The following CEACAM3 variants were observed in gnomAD, a reference collection of about 807,000 sequenced individuals.
CEACAM3 encodes the protein CEA cell adhesion molecule 3, also known as cell adhesion molecule CEACAM3.
A neutral mutation model predicts 30.1 loss-of-function variants in CEACAM3; 32 were observed. The observed-to-expected ratio is 1.06, with a 90% CI of 0.80 to 1.43. The LOEUF is 1.43. CEACAM3 is among the 40% of genes most tolerant of loss of function. The pLI is 0.00. For synonymous variants in CEACAM3, 134 were observed against 127.2 expected, an observed-to-expected ratio of 1.05 and a Z score of -0.36; for missense variants, 290 against 316.3, an observed-to-expected ratio of 0.92 and a Z score of 0.63.
In CEACAM3 at chr19:41,808,895, G is replaced by A. The variant is rs3752172; in HGVS notation, c.507G>A (p.Ala169=). 0.2 allele frequency: 328,406 copies of A among 1,606,072 alleles called. 36,088 individuals are homozygous for A. Among genetic ancestry groups the A allele is most frequent in the South Asian group, 0.35 (31,875 of 90,306 alleles). The part of the protein sequence containing the change: ...GVLVGVALVA[A]LVCFLLLAKT... ...TGGTCGGAGTGGCGCTGGTGGCCGC[G>A]CTGGTGTGTTTCCTGCTCCTTGCCA... Residue 169 remains alanine, a synonymous_variant, in exon 3 of 7, where the codon GCG becomes GCA. Transcript: ENST00000357396.
At chr19:41,807,315 C>G (rs1205930945) in intron 2 of CEACAM3, 1 of 1,608,132 alleles carries the variant, frequency 6.2e-7, no homozygotes, top group Non-Finnish European at 8.5e-7. Context: ...AGGAATGACA[C>G]AGGACCCTAT....
chr19:41,799,680 G>A (rs373808180), intron 2 of CEACAM3, among the ~76,000 whole-genome samples: 2 of 152,120 alleles, frequency 1.3e-5, no homozygotes, highest in African/African-American at 4.8e-5. Context: ...CCCACAGGAG[G>A]ATAAAACACT....
At chr19:41,808,619 A>G (rs533660565) in intron 2 of CEACAM3, among the ~76,000 whole-genome samples, 194 bp from the exon 3 acceptor site, 1 of 152,346 alleles carries the variant, frequency 6.6e-6, no homozygotes, top group South Asian at 2.1e-4. Context: ...GGTGCCGCCC[A>G]GTGTGTCAAG....
At chr19:41,805,676 A>G (rs1555826641) in intron 2 of CEACAM3, among the ~76,000 whole-genome samples, 2 of 152,136 alleles carry the variant, frequency 1.3e-5, no homozygotes. Flanking sequence ...TGTACGACTG[A>G]CTTCTTTCAC....
Position 41,797,493 on chromosome 19 carries a change from G to A in CEACAM3, c.65-96G>A, listed in dbSNP as rs2073110981. 3 of 1,478,012 alleles carry A rather than the reference G, an allele frequency of 2.0e-6. No homozygotes were observed. The African/African-American group carries it at 4.2e-5, about 21-fold the overall frequency. The allele number at this position is 1,478,012 out of a possible 1,614,324, so 91.6% of individuals were successfully genotyped here. ...AGTGGGACACACATACACTCTCCAA[G>A]GCTGAAGGGTGAAGAGACTCTCTCA... On this transcript the variant is annotated intron_variant, in intron 1 of 6. Transcript: ENST00000357396.
At chr19:41,805,407 C>G (rs1216202705) in intron 2 of CEACAM3, among the ~76,000 whole-genome samples, 1 of 151,146 alleles carries the variant, frequency 6.6e-6, no homozygotes, top group African/African-American at 2.4e-5. Context: ...TTCTCCCTAG[C>G]CTTCTTAAGT....
At chr19:41,807,464 C>T in intron 2 of CEACAM3, 1 of 1,357,960 alleles carries the variant, frequency 7.4e-7, no homozygotes, top group Non-Finnish European at 9.8e-7. Context: ...CTCAGTCCCT[C>T]TCAAGTCCAG....
intron 2 of CEACAM3, among the ~76,000 whole-genome samples, chr19:41,798,771 A>G (rs2073124141): frequency 6.6e-6 from 1 of 152,224 alleles, no homozygotes; most frequent in South Asian, 2.1e-4. Context: ...CAGCTCCTCT[A>G]TACACAGCTG....
Position 41,809,317 on chromosome 19 carries a change from C to T in CEACAM3, c.542+387C>T, listed in dbSNP as rs1292767553. 4 of 190,806 alleles carry T rather than the reference C, an allele frequency of 2.1e-5. No individual in the cohort carries two copies. The East Asian group carries it at 5.3e-4, about 25-fold the overall frequency. 11.8% of individuals were successfully genotyped at this position (190,806 alleles called of 1,614,324 possible). A position where few individuals can be genotyped will look rare whatever the true frequency, so the allele number is the denominator to read the frequency against. On this transcript the variant is annotated intron_variant, in intron 3 of 6. Transcript: ENST00000357396. ...CCACACAGTGAGGGGGATTTGCAGG[C>T]TCCGGATCCTGGGCACCGTCACACA...
intron 2 of CEACAM3, among the ~76,000 whole-genome samples, chr19:41,805,241 C>A (rs1302246778): frequency 6.6e-6 from 1 of 151,826 alleles, no homozygotes; most frequent in Non-Finnish European, 1.5e-5. Context: ...AACTCCCTGC[C>A]AGCCCTTGGA....
intron 2 of CEACAM3, among the ~76,000 whole-genome samples, chr19:41,808,429 A>G (rs539282927): frequency 1.3e-5 from 2 of 152,292 alleles, no homozygotes; most frequent in Admixed American, 1.3e-4. Flanking sequence ...CCCTGAAAAC[A>G]GTCAATGAAC....
chr19:41,807,049 A>T (rs1469203205), intron 2 of CEACAM3: 3 of 1,604,880 alleles, frequency 1.9e-6, no homozygotes, highest in East Asian at 4.5e-5. Context: ...TCTGATTAAA[A>T]TATGCCTGTG....
intron 2 of CEACAM3, among the ~76,000 whole-genome samples, chr19:41,802,080 G>A (rs2073153947): frequency 6.6e-6 from 1 of 152,208 alleles, no homozygotes; most frequent in Admixed American, 6.5e-5. Context: ...GATGAAGTCA[G>A]CCATGCTAGC....
intron 2 of CEACAM3, among the ~76,000 whole-genome samples, chr19:41,805,143 A>G (rs1368399014): frequency 6.6e-6 from 1 of 152,112 alleles, no homozygotes; most frequent in East Asian, 1.9e-4. Flanking sequence ...AGAGATACTC[A>G]AACTCTATTA....
intron 5 of CEACAM3, 129 bp downstream of exon 5, chr19:41,810,483 C>A: frequency 8.9e-7 from 1 of 1,123,850 alleles, no homozygotes; most frequent in Non-Finnish European, 1.3e-6. Context: ...CAAGGCTAGC[C>A]CTGCCCTGGC....
intron 2 of CEACAM3, among the ~76,000 whole-genome samples, chr19:41,798,927 G>A (rs2073125331): frequency 6.6e-6 from 1 of 152,150 alleles, no homozygotes; most frequent in South Asian, 2.1e-4. Context: ...TGTCAGATTA[G>A]AGTCACACGA....
In CEACAM3 at chr19:41,809,019, G is replaced by A. The variant is rs368008057; in HGVS notation, c.542+89G>A. ...GACCTTGTCCTGTATTCAGGGCCAG[G>A]CTCTCCACGGCCTCCCAAGTCCCCA... is the stretch of plus-strand genomic sequence containing the variant. On this transcript the variant is annotated intron_variant, in intron 3 of 6. Transcript: ENST00000357396. 468 of 910,622 alleles carry A rather than the reference G, an allele frequency of 5.1e-4. 1 individual carries two copies. The highest frequency in any genetic ancestry group is 3.9e-3 in the African/African-American group (227 of 58,394). 56.4% of individuals were successfully genotyped at this position (910,622 alleles called of 1,614,324 possible). A position where few individuals can be genotyped will look rare whatever the true frequency, so the allele number is the denominator to read the frequency against.
At position 41,810,879 on chromosome 19, in the gene CEACAM3, A is replaced by T; in HGVS notation, c.675A>T (p.Thr225=). ...TAQAPLPNPR[T]AASIYEELLK... is the part of the protein sequence containing the mutation. ...AGGCCCCCCTACCCAACCCCAGGAC[A>T]GCAGCTTCCATCTATGAGGTGAGTG... Residue 225 remains threonine (T), a synonymous_variant, in exon 6 of 7, where the codon ACA becomes ACT. Coordinates refer to ENST00000357396, the MANE Select transcript of CEACAM3 (RefSeq NM_001815.5). 1 of 1,613,612 alleles carries T rather than the reference A, an allele frequency of 6.2e-7. No homozygotes were observed. Among genetic ancestry groups the T allele is most frequent in the Admixed American group, 1.7e-5 (1 of 59,898 alleles).
intron 2 of CEACAM3, among the ~76,000 whole-genome samples, chr19:41,806,002 TTG>T (rs2073196130): frequency 1.6e-4 from 7 of 42,610 alleles, no homozygotes; most frequent in Non-Finnish European, 5.9e-4. Flanking sequence ...CCTGTTGTTG[TTG>T]TTTGTTGTTG....
Sources: gnomAD v4.1 joint callset for allele counts (sites outside exome capture counted in the v4.1 genomes callset) on GRCh38, gnomAD v4.1.1 for gene constraint, MANE v1.5 for transcripts, NCBI Gene and HGNC (gene_info 2026-07-23, HGNC 2026-07-21) for gene names.